DYSF: variants seen among roughly 807,000 people sequenced by gnomAD.
The protein encoded by DYSF is dystrophy-associated fer-1-like 1.
A neutral mutation model predicts 274.9 loss-of-function variants in DYSF; 212 were observed. The observed-to-expected ratio is 0.77, with a 90% CI of 0.69 to 0.86. The LOEUF is 0.86. Ranked by LOEUF, DYSF falls within the 40% of genes least tolerant of loss-of-function variation. The probability of loss-of-function intolerance (pLI) is 0.00; values close to 1 mark genes in which losing one functional copy is unlikely to be tolerated. For missense variants in DYSF, 2,666 were observed against 2,783.2 expected, an observed-to-expected ratio of 0.96 and a Z score of 0.95; for synonymous variants, 1,091 against 1,078.7, an observed-to-expected ratio of 1.01 and a Z score of -0.22.
At chr2:71,666,268 A>G (rs1490831564) in intron 47 of DYSF, among the ~76,000 whole-genome samples, 7 of 152,226 alleles carry the variant, frequency 4.6e-5, no homozygotes, top group African/African-American at 1.7e-4. Flanking sequence ...AGAAAGCTAG[A>G]GATGGTGAGG....
rs2093762820 is a variant in DYSF, at chr2:71,611,567, G to A, written c.4162G>A (p.Val1388Ile). ...TGGGGGCCAGACGGTGCAGTCCTGTGTCATCAGGAACCTCCGGAAGAACCC... is the reference window on the plus strand; with the variant it reads ...TGGGGGCCAGACGGTGCAGTCCTGTATCATCAGGAACCTCCGGAAGAACCC... ...ECGGQTVQSC[V>I]IRNLRKNPNF... Residue 1388 changes from valine to isoleucine, a missense_variant, in exon 38 of 56, where the codon GTC becomes ATC. Val to Ile is a conservative substitution (Grantham distance 29). Coordinates refer to ENST00000410020, the MANE Select transcript of DYSF (RefSeq NM_001130987.2). 1 of 1,614,046 alleles carries A rather than the reference G, an allele frequency of 6.2e-7. No individual in the cohort carries two copies. Among genetic ancestry groups the A allele is most frequent in the African/African-American group, 1.3e-5 (1 of 74,906 alleles).
At chr2:71,596,195 C>G (rs1213642356) in intron 32 of DYSF, among the ~76,000 whole-genome samples, 1 of 151,942 alleles carries the variant, frequency 6.6e-6, no homozygotes, top group Admixed American at 6.6e-5. Context: ...AAGCCACCCC[C>G]TCCCCGTTCT....
intron 3 of DYSF, among the ~76,000 whole-genome samples, chr2:71,500,428 G>A (rs1489845275): frequency 6.6e-6 from 1 of 152,102 alleles, no homozygotes; most frequent in Non-Finnish European, 1.5e-5. Context: ...CTTGCCCCCA[G>A]GCCGATAGCA....
At chr2:71,646,240 T>C (rs1360686392) in intron 42 of DYSF, among the ~76,000 whole-genome samples, 1 of 152,240 alleles carries the variant, frequency 6.6e-6, no homozygotes, top group African/African-American at 2.4e-5. Context: ...AGGTCTGGCA[T>C]GTGGTCCTGT....
chr2:71,502,449 A>T (rs968248216), intron 3 of DYSF, among the ~76,000 whole-genome samples: 3 of 152,100 alleles, frequency 2.0e-5, no homozygotes, highest in African/African-American at 7.2e-5. Context: ...ACAGGTTCCT[A>T]CAGTCACAGG....
chr2:71,663,866 A>G (rs942382939), intron 45 of DYSF, among the ~76,000 whole-genome samples: 7 of 151,600 alleles, frequency 4.6e-5, no homozygotes, highest in Admixed American at 2.0e-4. Context: ...CCCCCAATTT[A>G]CCGGGAGTCC....
intron 10 of DYSF, 26 bp downstream of exon 10, chr2:71,517,065 A>G: frequency 6.2e-7 from 1 of 1,611,900 alleles, no homozygotes; most frequent in Non-Finnish European, 8.5e-7. Context: ...CTATGAAAGC[A>G]GTCAGTTCTC....
Position 71,569,870 on chromosome 2 carries a change from T to C in DYSF, c.2915T>C (p.Phe972Ser). ...CACCTGAGCTTCGTGGAAGAGGTGT[T>C]TGAGAACCAGACCCGGCTTCCCGGA... The part of the protein sequence containing the change: ...AGHLSFVEEV[F>S]ENQTRLPGGQ... The change falls in exon 27 of 56, where the codon TTT (phenylalanine) becomes TCT (serine). Residue 972 changes from phenylalanine (F) to serine (S), a missense_variant. Physicochemically the swap from Phe to Ser is radical, Grantham distance 155 (BLOSUM62 -2). Around this residue, in one of 3 missense-constraint regions of DYSF, gnomAD observed 412 missense variants for 504.0 expected, o/e 0.82. Coordinates refer to ENST00000410020, the MANE Select transcript of DYSF (RefSeq NM_001130987.2). 4 of 1,614,112 alleles carry C rather than the reference T, an allele frequency of 2.5e-6. No individual in the cohort carries two copies. Among genetic ancestry groups the C allele is most frequent in the Non-Finnish European group, 3.4e-6 (4 of 1,180,024 alleles).
At chr2:71,481,523 T>C (rs2082893463) in intron 2 of DYSF, among the ~76,000 whole-genome samples, 1 of 152,232 alleles carries the variant, frequency 6.6e-6, no homozygotes, top group Non-Finnish European at 1.5e-5. Context: ...TCTTGGTCCT[T>C]GAGGATGCTT....
chr2:71,463,576 T>G (rs1206288164), upstream of DYSF, among the ~76,000 whole-genome samples: 1 of 152,218 alleles, frequency 6.6e-6, no homozygotes, highest in Admixed American at 6.5e-5. Context: ...CCACTCCAGA[T>G]GGGCCGCTGC....
At position 71,567,339 on chromosome 2, in the gene DYSF, G is replaced by A. The variant is rs1434179279; in HGVS notation, c.2566-612G>A. Among the ~76,000 whole-genome samples the A allele has an allele frequency of 5.3e-5, 8 of 152,268 alleles. No individual in the cohort carries two copies. In the East Asian group the frequency reaches 1.5e-3, roughly 29 times the overall value. Reference sequence around the variant, plus strand: ...AGAAATAAAATACTAAACATGGAGGGGGAGGCTTTAATTTCTTCTCTTTCC... The same window carrying A: ...AGAAATAAAATACTAAACATGGAGGAGGAGGCTTTAATTTCTTCTCTTTCC... On this transcript the variant is annotated intron_variant, in intron 24 of 55. Transcript: ENST00000410020.
intron 32 of DYSF, among the ~76,000 whole-genome samples, chr2:71,595,442 C>T (rs906243941): frequency 3.3e-5 from 5 of 152,156 alleles, no homozygotes; most frequent in Admixed American, 6.5e-5. Context: ...GGGAAAGCTC[C>T]CTTTTAGGAA....
intron 13 of DYSF, among the ~76,000 whole-genome samples, chr2:71,527,404 G>T (rs758356985): frequency 6.6e-6 from 1 of 152,172 alleles, no homozygotes; most frequent in Non-Finnish European, 1.5e-5. Flanking sequence ...ATCAAATCCT[G>T]AAGAAAGCCT....
chr2:71,461,588 A>G (rs1466648447), intron 1 of DYSF, among the ~76,000 whole-genome samples: 2 of 152,224 alleles, frequency 1.3e-5, no homozygotes, highest in Non-Finnish European at 2.9e-5. Flanking sequence ...GGCTTTTAGC[A>G]GGAGATTGAC....
rs761337469 is a variant in DYSF at position 71,612,714 on chromosome 2, G to A, written c.4295G>A (p.Arg1432Gln). The change falls in exon 39 of 56, where the codon CGG (arginine) becomes CAG (glutamine). Residue 1432 changes from arginine (R) to glutamine (Q), a missense_variant. By Grantham distance (43) the Arg-to-Gln change is conservative. This residue lies in a region of DYSF where 1,460 missense variants were observed against 1,502.1 expected (regional missense o/e 0.97). Transcript: ENST00000410020. The part of the protein sequence containing the change: ...KVIDNRQFGR[R>Q]PVVGQCTIRS... ...ATCGATAACCGCCAGTTTGGCCGCC[G>A]GCCTGTGGTGGGCCAGTGTACCATC... 25 of 1,614,036 alleles carry A rather than the reference G, an allele frequency of 1.5e-5. No homozygotes were observed. The highest frequency in any genetic ancestry group is 4.4e-5 in the South Asian group (4 of 91,088).
At chr2:71,513,652 C>CCAGGGG (rs780946190) in intron 6 of DYSF, 64 bp from the exon 7 acceptor site, 57 of 1,575,064 alleles carry the variant, frequency 3.6e-5, no homozygotes, top group Non-Finnish European at 4.4e-5. Flanking sequence ...GGGCTGGGTC[C>CCAGGGG]CAGGGGCAGG....
chr2:71,610,843 G>C (rs2093741271), intron 36 of DYSF: 1 of 310,834 alleles, frequency 3.2e-6, no homozygotes, highest in African/African-American at 2.2e-5. Flanking sequence ...CAGGCACATG[G>C]TCCTCTCTGG....
In DYSF at chr2:71,675,576, G is replaced by A. The variant is rs115746271; in HGVS notation, c.5884+1280G>A. Among the ~76,000 whole-genome samples the A allele has an allele frequency of 3.1e-3, 469 of 152,258 alleles. 3 individuals carry two copies. The highest frequency in any genetic ancestry group is 0.011 in the African/African-American group (441 of 41,564). ...TTCCCCCGCCCTGCGCACCTGGCCT[G>A]GCCAAATGCCCAGAGAACTTTGTTA... On this transcript the variant is annotated intron_variant, in intron 52 of 55. Coordinates refer to ENST00000410020, the MANE Select transcript of DYSF (RefSeq NM_001130987.2).
rs1156829822 is a variant in DYSF at position 71,517,082 on chromosome 2, C to T, written c.1002+43C>T. ...ATGAAAGCAGTCAGTTCTCACTTCT[C>T]CGTGTTGGTGGAGCCTCTGTGGACC... On this transcript the variant is annotated intron_variant, in intron 10 of 55. Coordinates refer to ENST00000410020, the MANE Select transcript of DYSF (RefSeq NM_001130987.2). 4 of 1,588,352 alleles carry T rather than the reference C, an allele frequency of 2.5e-6. No individual in the cohort carries two copies. In the South Asian group the frequency reaches 4.4e-5, roughly 18 times the overall value.
Sources: gnomAD v4.1 joint callset for allele counts (sites outside exome capture counted in the v4.1 genomes callset) on GRCh38, gnomAD v4.1.1 for gene constraint, gnomAD v4.1.1 regional missense constraint, MANE v1.5 for transcripts, NCBI Gene and HGNC (gene_info 2026-07-23, HGNC 2026-07-21) for gene names.